GNG12: variants seen among roughly 807,000 people sequenced by gnomAD.
GNG12 encodes guanine nucleotide-binding protein G(I)/G(S)/G(O) subunit gamma-12.
For synonymous variants in GNG12, 28 were observed against 29.7 expected (o/e 0.94, Z 0.19); for missense variants, 69 against 83.8 (o/e 0.82, Z 0.69).
chr1:67,713,746 T>G (rs1053437130), intron 2 of GNG12, among the ~76,000 whole-genome samples: 1 of 152,208 alleles, frequency 6.6e-6, no homozygotes, highest in Admixed American at 6.5e-5. Flanking sequence ...TATCTGCCTC[T>G]TCTTCTGTAA....
At chr1:67,824,730 T>C (rs1018554126) in intron 1 of GNG12, among the ~76,000 whole-genome samples, 4 of 151,198 alleles carry the variant, frequency 2.6e-5, no homozygotes, top group African/African-American at 9.7e-5. Flanking sequence ...TAAGGTGGAG[T>C]TCAACAGCTC....
chr1:67,814,185 C>CA (rs540607339), intron 1 of GNG12, among the ~76,000 whole-genome samples: 116 of 151,112 alleles, frequency 7.7e-4, no homozygotes, highest in Middle Eastern at 3.4e-3. Flanking sequence ...ATAAAGTAAA[C>CA]AAAAAAAAAT....
In GNG12 at chr1:67,746,929, AGTGT is replaced by A. The variant is rs559604757; in HGVS notation, c.-27+30525_-27+30528del. 3.4e-4 allele frequency among the ~76,000 whole-genome samples: 51 copies of A among 152,178 alleles called. No homozygotes were observed. In the South Asian group the frequency reaches 0.01, roughly 31 times the overall value. ...CCTAAAGCAAATAATATACTTTAAAAGTGTGTGTTTTTTTTTTCTTTTTTGGTGG... is the reference window on the plus strand; with the variant it reads ...CCTAAAGCAAATAATATACTTTAAAAGTGTTTTTTTTTTCTTTTTTGGTGG... On this transcript the variant is annotated intron_variant, in intron 2 of 3. Coordinates refer to ENST00000370982, the MANE Select transcript of GNG12 (RefSeq NM_018841.6).
chr1:67,731,726 CG>C (rs1216216011), intron 2 of GNG12, among the ~76,000 whole-genome samples: 1 of 152,276 alleles, frequency 6.6e-6, no homozygotes, highest in East Asian at 1.9e-4. Flanking sequence ...AAATTTAAAG[CG>C]GGGCATGATA....
At position 67,754,830 on chromosome 1, in the gene GNG12, T is replaced by C. The variant is rs138428474; in HGVS notation, c.-27+22628A>G. On this transcript the variant is annotated intron_variant, in intron 2 of 3. Transcript: ENST00000370982. ...TGAGCAGTGGAAGGTTTTTAATCAC[T>C]CCTTGTGTAGCAGGCACTCCAGCCT... Among the ~76,000 whole-genome samples, 47 of 152,294 alleles carry C rather than the reference T, an allele frequency of 3.1e-4. No homozygotes were observed. In the East Asian group the frequency reaches 9.1e-3, roughly 29 times the overall value.
chr1:67,810,145 C>T (rs984486132), intron 1 of GNG12, among the ~76,000 whole-genome samples: 2 of 152,108 alleles, frequency 1.3e-5, no homozygotes, highest in African/African-American at 4.8e-5. Context: ...ATGCGTATTA[C>T]TAAGTGAAAG....
intron 2 of GNG12, among the ~76,000 whole-genome samples, chr1:67,753,353 G>GA (rs11442263): frequency 0.4 from 58,900 of 145,942 alleles, 13,481 homozygotes; most frequent in South Asian, 0.55. Flanking sequence ...TCCAAAACCT[G>GA]AAAAAAAAAA....
At chr1:67,771,156 T>C (rs1347397405) in intron 2 of GNG12, among the ~76,000 whole-genome samples, 1 of 152,174 alleles carries the variant, frequency 6.6e-6, no homozygotes, top group African/African-American at 2.4e-5. Context: ...AAACTTTAAA[T>C]GAACAGTGGG....
Position 67,704,578 on chromosome 1 carries a change from C to T in GNG12, c.*873G>A, listed in dbSNP as rs1012659656. Reference sequence around the variant, plus strand: ...GGTGGAGATTTCAGAGGTGCCTATCCCTAATCCAGTAGAGAACATGAGCCC... The same window carrying T: ...GGTGGAGATTTCAGAGGTGCCTATCTCTAATCCAGTAGAGAACATGAGCCC... On this transcript the variant is annotated 3_prime_UTR_variant, in exon 4 of 4. Coordinates refer to ENST00000370982, the MANE Select transcript of GNG12 (RefSeq NM_018841.6). The T allele has an allele frequency of 3.9e-5, 6 of 152,554 alleles. No individual in the cohort carries two copies. The highest frequency in any genetic ancestry group is 1.4e-4 in the African/African-American group (6 of 41,412). 9.5% of individuals were successfully genotyped at this position (152,554 alleles called of 1,614,324 possible). A position where few individuals can be genotyped will look rare whatever the true frequency, so the allele number is the denominator to read the frequency against.
At chr1:67,741,118 C>T in intron 2 of GNG12, among the ~76,000 whole-genome samples, 1 of 152,198 alleles carries the variant, frequency 6.6e-6, no homozygotes, top group East Asian at 1.9e-4. Flanking sequence ...ATTTGAACCT[C>T]AGTTCATTTT....
chr1:67,722,387 T>C (rs1269894372), intron 2 of GNG12, among the ~76,000 whole-genome samples: 1 of 152,044 alleles, frequency 6.6e-6, no homozygotes, highest in Non-Finnish European at 1.5e-5. Context: ...CAACAAACAA[T>C]GAATGTGGGC....
At chr1:67,784,329 G>C (rs1019627379) in intron 1 of GNG12, among the ~76,000 whole-genome samples, 1 of 113,194 alleles carries the variant, frequency 8.8e-6, no homozygotes, top group Admixed American at 9.6e-5. Context: ...GGTGGGGGGA[G>C]GGGGGAGGGA....
intron 2 of GNG12, among the ~76,000 whole-genome samples, chr1:67,772,183 A>C (rs957162080): frequency 6.6e-6 from 1 of 152,218 alleles, no homozygotes; most frequent in African/African-American, 2.4e-5. Flanking sequence ...GCATATGTAC[A>C]ATTTTGCAAA....
At chr1:67,757,219 A>T (rs1646575108) in intron 2 of GNG12, among the ~76,000 whole-genome samples, 1 of 152,218 alleles carries the variant, frequency 6.6e-6, no homozygotes. Flanking sequence ...ATTGTGTATG[A>T]TACAAAGTTT....
chr1:67,831,953 G>T (rs1647048250), intron 1 of GNG12, among the ~76,000 whole-genome samples: 1 of 152,216 alleles, frequency 6.6e-6, no homozygotes, highest in Admixed American at 6.5e-5. Flanking sequence ...TGGCAAGGGT[G>T]CAGTCTGGTG....
chr1:67,782,407 C>T (rs922154792), intron 1 of GNG12, among the ~76,000 whole-genome samples: 21 of 152,130 alleles, frequency 1.4e-4, no homozygotes, highest in African/African-American at 4.8e-4. Flanking sequence ...TGGTACACCC[C>T]GAAAGGTTGA....
At chr1:67,824,377 G>C (rs1402182588) in intron 1 of GNG12, among the ~76,000 whole-genome samples, 2 of 151,850 alleles carry the variant, frequency 1.3e-5, no homozygotes, top group Non-Finnish European at 2.9e-5. Context: ...AGGTGTGGTG[G>C]CAGGCACCTA....
intron 1 of GNG12, among the ~76,000 whole-genome samples, chr1:67,797,022 C>T (rs753111332): frequency 9.2e-5 from 14 of 152,152 alleles, no homozygotes; most frequent in East Asian, 3.9e-4. Flanking sequence ...CATTACCATG[C>T]GGAGGGCACC....
In GNG12 at chr1:67,710,232, T is replaced by TTATATATATAGTTA. The variant is rs1557592513; in HGVS notation, c.-26-2534_-26-2521dup. On this transcript the variant is annotated intron_variant, in intron 2 of 3. Coordinates refer to ENST00000370982, the MANE Select transcript of GNG12 (RefSeq NM_018841.6). ...TATATATATAGTTATATATATATAGTTATATATATAGTTATATATATATAT... is the reference window on the plus strand; with the variant it reads ...TATATATATAGTTATATATATATAGTTATATATATAGTTATATATATATAGTTATATATATATAT... 2.6e-4 allele frequency among the ~76,000 whole-genome samples: 26 copies of TTATATATATAGTTA among 101,398 alleles called. 1 individual carries two copies. Among genetic ancestry groups the TTATATATATAGTTA allele is most frequent in the African/African-American group, 1.0e-3 (24 of 23,530 alleles). 66.5% of individuals were successfully genotyped at this position (101,398 alleles called of 152,430 possible). A position where few individuals can be genotyped will look rare whatever the true frequency, so the allele number is the denominator to read the frequency against.
Sources: allele counts gnomAD v4.1 joint callset (sites outside exome capture counted in the v4.1 genomes callset), GRCh38; gene constraint gnomAD v4.1.1; transcripts MANE v1.5; gene names NCBI Gene and HGNC (gene_info 2026-07-23, HGNC 2026-07-21).